Variants in NRG3 observed in about 807,000 individuals in gnomAD.
NRG3 encodes pro-neuregulin-3, membrane-bound isoform.
Under a neutral mutation model 66.9 loss-of-function variants are expected in NRG3, and 31 were observed. That is an observed-to-expected ratio of 0.46 (90% CI 0.35 to 0.63). NRG3 has a LOEUF of 0.63. NRG3 is among the 20% of genes least tolerant of loss of function. The pLI is 0.00. For synonymous variants in NRG3, 393 were observed against 359.4 expected (o/e 1.09, Z -1.06); for missense variants, 910 against 878.9 (o/e 1.04, Z -0.45).
chr10:82,429,845 A>C (rs2089682504), intron 2 of NRG3, among the ~76,000 whole-genome samples: 1 of 152,128 alleles, frequency 6.6e-6, no homozygotes, highest in Admixed American at 6.5e-5. Context: ...AGACTGGATA[A>C]TAATCAATGG....
chr10:81,903,988 AT>A (rs1465999675), intron 1 of NRG3, among the ~76,000 whole-genome samples: 1 of 126,318 alleles, frequency 7.9e-6, no homozygotes, highest in African/African-American at 3.9e-5. Context: ...ATATATATAT[AT>A]ATATATATTT....
intron 2 of NRG3, among the ~76,000 whole-genome samples, chr10:82,493,668 A>G (rs1368522675): frequency 6.6e-6 from 1 of 152,196 alleles, no homozygotes; most frequent in Non-Finnish European, 1.5e-5. Flanking sequence ...AGGAAATACC[A>G]TTCAGGACAT....
intron 3 of NRG3, among the ~76,000 whole-genome samples, chr10:82,764,351 T>C (rs928518351): frequency 6.6e-6 from 1 of 151,598 alleles, no homozygotes; most frequent in Non-Finnish European, 1.5e-5. Flanking sequence ...TATATTTCTA[T>C]TAAACCACAT....
intron 3 of NRG3, among the ~76,000 whole-genome samples, chr10:82,751,769 G>A (rs1591408493): frequency 1.3e-5 from 2 of 152,230 alleles, no homozygotes; most frequent in South Asian, 4.1e-4. Flanking sequence ...ACTAAATTGA[G>A]AGATAATAGC....
At chr10:82,051,122 C>A (rs969603557) in intron 1 of NRG3, among the ~76,000 whole-genome samples, 1 of 152,088 alleles carries the variant, frequency 6.6e-6, no homozygotes, top group African/African-American at 2.4e-5. Flanking sequence ...TATTTTAATA[C>A]AGATACAACT....
chr10:82,375,161 A>T (rs2085135371), intron 2 of NRG3, among the ~76,000 whole-genome samples: 1 of 152,188 alleles, frequency 6.6e-6, no homozygotes, highest in Non-Finnish European at 1.5e-5. Context: ...ATGGATGAAG[A>T]AGCACTTCTT....
At chr10:82,870,832 A>T (rs964601016) in intron 4 of NRG3, among the ~76,000 whole-genome samples, 1 of 152,106 alleles carries the variant, frequency 6.6e-6, no homozygotes, top group African/African-American at 2.4e-5. Flanking sequence ...CCTTTATTAG[A>T]TATATCTTTT....
At chr10:82,216,560 A>G (rs761738222) in intron 1 of NRG3, among the ~76,000 whole-genome samples, 1 of 146,750 alleles carries the variant, frequency 6.8e-6, no homozygotes, top group East Asian at 2.0e-4. Flanking sequence ...ATACATATGT[A>G]TGTATATATC....
In NRG3 at chr10:82,166,781, A is replaced by G. The variant is rs1240637527; in HGVS notation, c.824-191958A>G. ...TTCTGCCTGGAGGACTTGCTTTAAC[A>G]TTTCAAGTAGTGTGGGTCTGCTGCT... On this transcript the variant is annotated intron_variant, in intron 1 of 8. Transcript: ENST00000372141. 2.6e-5 allele frequency: 18 copies of G among 685,928 alleles called. No individual in the cohort carries two copies. The East Asian group carries it at 4.4e-4, about 17-fold the overall frequency. The allele number at this position is 685,928 out of a possible 1,614,324, so 42.5% of individuals were successfully genotyped here.
intron 1 of NRG3, among the ~76,000 whole-genome samples, chr10:82,146,196 G>A (rs2132705308): frequency 6.6e-6 from 1 of 152,276 alleles, no homozygotes; most frequent in South Asian, 2.1e-4. Context: ...TTGGGACAGA[G>A]ATTGTAAAAG....
intron 1 of NRG3, among the ~76,000 whole-genome samples, chr10:82,040,785 A>G (rs1235088981): frequency 6.6e-6 from 1 of 152,024 alleles, no homozygotes; most frequent in Non-Finnish European, 1.5e-5. Flanking sequence ...GAAAAAGAAA[A>G]TGACAGATTT....
intron 4 of NRG3, among the ~76,000 whole-genome samples, chr10:82,938,254 C>T (rs1030756219): frequency 2.6e-5 from 4 of 152,146 alleles, no homozygotes; most frequent in African/African-American, 7.2e-5. Context: ...TCAACTTCAG[C>T]GCTTTAGGTA....
At chr10:82,237,129 TG>T (rs1234408872) in intron 1 of NRG3, among the ~76,000 whole-genome samples, 2 of 152,252 alleles carry the variant, frequency 1.3e-5, no homozygotes, top group East Asian at 3.8e-4. Flanking sequence ...GTCTACAGGC[TG>T]TCATGGAGAT....
At position 81,875,386 on chromosome 10, in the gene NRG3, G is replaced by A; in HGVS notation, c.46G>A (p.Ala16Thr). The A allele has an allele frequency of 1.0e-6, 1 of 995,922 alleles. No homozygotes were observed. The highest frequency in any genetic ancestry group is 4.5e-5 in the South Asian group (1 of 22,220). The allele number at this position is 995,922 out of a possible 1,614,324, so 61.7% of individuals were successfully genotyped here. ...TGCCTCGCCACCTGGTGCCGCTTCG[G>A]CAGCCGCCGCCTCGGCCGAGGAGGG... ...AAASPPGAAS[A>T]AAASAEEGTA... is the part of the protein sequence containing the mutation. Residue 16 changes from alanine (A) to threonine (T), a missense_variant, in exon 1 of 9, where the codon GCA becomes ACA. By Grantham distance (58) the Ala-to-Thr change is moderately conservative (BLOSUM62 0). Coordinates refer to ENST00000372141, the MANE Select transcript of NRG3 (RefSeq NM_001010848.4). This position sits in a 1 kb window ranked among gnomAD's most constrained non-coding sequence, Gnocchi z 5.3.
At chr10:82,334,211 A>C (rs111574926) in intron 1 of NRG3, among the ~76,000 whole-genome samples, 200 of 152,024 alleles carry the variant, frequency 1.3e-3, no homozygotes, top group African/African-American at 4.5e-3. Flanking sequence ...GAGTCTTGCC[A>C]TGGTCAGGGA....
At chr10:82,106,757 C>T (rs920064375) in intron 1 of NRG3, among the ~76,000 whole-genome samples, 6 of 152,170 alleles carry the variant, frequency 3.9e-5, no homozygotes, top group Non-Finnish European at 7.4e-5. Context: ...CCGCCTGCCT[C>T]GGCCTCCAAA....
intron 1 of NRG3, among the ~76,000 whole-genome samples, chr10:82,280,993 G>A (rs2079092671): frequency 1.3e-5 from 2 of 152,128 alleles, no homozygotes; most frequent in South Asian, 4.1e-4. Flanking sequence ...ATTGTAGCCT[G>A]ATTAAATAGA....
At chr10:82,706,537 A>G (rs1056856838) in intron 2 of NRG3, among the ~76,000 whole-genome samples, 4 of 152,302 alleles carry the variant, frequency 2.6e-5, no homozygotes, top group Admixed American at 6.5e-5. Flanking sequence ...AAGTACTTGT[A>G]TATTTTTTTC....
At chr10:82,926,408 C>G (rs1482718671) in intron 4 of NRG3, among the ~76,000 whole-genome samples, 1 of 152,198 alleles carries the variant, frequency 6.6e-6, no homozygotes, top group African/African-American at 2.4e-5. Context: ...AGTTCCACCA[C>G]TTAGCTTTAT....
Sources: gnomAD v4.1 joint callset for allele counts (sites outside exome capture counted in the v4.1 genomes callset) on GRCh38, gnomAD v4.1.1 for gene constraint, Gnocchi (gnomAD v3.1) non-coding constraint, MANE v1.5 for transcripts, NCBI Gene and HGNC (gene_info 2026-07-23, HGNC 2026-07-21) for gene names.